The following MCPH1 variants were observed in gnomAD, a reference collection of about 807,000 sequenced individuals.
MCPH1 encodes the protein microcephalin 1, also known as microcephalin.
A neutral mutation model predicts 84.5 loss-of-function variants in MCPH1; 104 were observed. The observed-to-expected ratio is 1.23, with a 90% CI of 1.05 to 1.45. The LOEUF is 1.45. Among genes scored for constraint, MCPH1 ranks in the 40% most tolerant of loss-of-function variants. MCPH1 has a pLI of 0.00. For synonymous variants in MCPH1, 514 were observed against 366.8 expected, an observed-to-expected ratio of 1.40 and a Z score of -4.58; for missense variants, 1,498 against 1,005.7, an observed-to-expected ratio of 1.49 and a Z score of -6.62.
chr8:6,458,944 G>C (rs1332256405), intron 9 of MCPH1, among the ~76,000 whole-genome samples: 1 of 152,202 alleles, frequency 6.6e-6, no homozygotes, highest in African/African-American at 2.4e-5. Context: ...ACAGCACCTA[G>C]CCAGCAACAT....
At position 6,466,129 on chromosome 8, in the gene MCPH1, A is replaced by ATTTTTTTTTTT. The variant is rs751729134; in HGVS notation, c.1935+10890_1935+10900dup. On this transcript the variant is annotated intron_variant, in intron 9 of 13. Transcript: ENST00000344683. ...GCCACTACACCTGGCTAATTTTTGG[A>ATTTTTTTTTTT]TTTTTTTTTTTTTTTTTTTTTTTCC... Among the ~76,000 whole-genome samples the ATTTTTTTTTTT allele has an allele frequency of 1.0e-4, 2 of 19,786 alleles. 1 individual carries two copies. The allele number at this position is 19,786 out of a possible 152,430, so 13.0% of individuals were successfully genotyped here.
intron 13 of MCPH1, among the ~76,000 whole-genome samples, chr8:6,637,954 C>T (rs1346697592): frequency 2.6e-5 from 4 of 152,232 alleles, no homozygotes; most frequent in Admixed American, 1.3e-4. Flanking sequence ...AAAGAAGACT[C>T]GAAGGTGGCA....
At chr8:6,617,900 A>AATCTATCTATCT (rs142071946) in intron 12 of MCPH1, among the ~76,000 whole-genome samples, 38,360 of 142,880 alleles carry the variant, frequency 0.27, 5,427 homozygotes, top group East Asian at 0.32. Context: ...CTATCTATCT[A>AATCTATCTATCT]ATCTATCTAT....
At chr8:6,545,699 TAATA>T (rs963880503) in intron 12 of MCPH1, among the ~76,000 whole-genome samples, 49 of 152,240 alleles carry the variant, frequency 3.2e-4, no homozygotes, top group African/African-American at 1.1e-3. Flanking sequence ...TAAAAATAAA[TAATA>T]AATAAATAAA....
intron 12 of MCPH1, chr8:6,513,864 A>T (rs1815696106): frequency 6.3e-7 from 1 of 1,586,434 alleles, no homozygotes; most frequent in Non-Finnish European, 8.6e-7. Context: ...AAGTTGTTAA[A>T]TTCAATTATT....
intron 12 of MCPH1, among the ~76,000 whole-genome samples, chr8:6,620,621 G>A (rs1238792581): frequency 6.6e-6 from 1 of 152,124 alleles, no homozygotes; most frequent in Non-Finnish European, 1.5e-5. Flanking sequence ...AGATATTGTA[G>A]GAAAAATAAG....
At chr8:6,625,728 G>T in intron 13 of MCPH1, 7 of 977,674 alleles carry the variant, frequency 7.2e-6, no homozygotes, top group Non-Finnish European at 8.5e-6. Flanking sequence ...AGGCTGCGGT[G>T]AGCAACGATC....
chr8:6,409,276 C>T lies in MCPH1; in HGVS notation c.23-3C>T. The T allele has an allele frequency of 6.2e-7, 1 of 1,608,954 alleles. No individual in the cohort carries two copies. Among genetic ancestry groups the T allele is most frequent in the Non-Finnish European group, 8.5e-7 (1 of 1,175,316 alleles). ...ATGTTTCATGTTCATATCTTGTTTTCAGATGTAGTGGCCTATGTTGAAGTG... is the reference window on the plus strand; with the variant it reads ...ATGTTTCATGTTCATATCTTGTTTTTAGATGTAGTGGCCTATGTTGAAGTG... On this transcript the variant is annotated splice_polypyrimidine_tract_variant and splice_region_variant and intron_variant, in intron 1 of 13. Coordinates refer to ENST00000344683, the MANE Select transcript of MCPH1 (RefSeq NM_024596.5).
intron 6 of MCPH1, among the ~76,000 whole-genome samples, chr8:6,440,294 C>G (rs1803310348): frequency 6.6e-6 from 1 of 151,950 alleles, no homozygotes; most frequent in African/African-American, 2.4e-5. Context: ...TTCCAGCTTC[C>G]CACCCCGACT....
At chr8:6,642,319 G>A (rs558939693) in intron 13 of MCPH1, among the ~76,000 whole-genome samples, 1 of 152,142 alleles carries the variant, frequency 6.6e-6, no homozygotes, top group African/African-American at 2.4e-5. Context: ...ACTGAGGAAA[G>A]AGGGAGGGGT....
chr8:6,592,623 G>GTTTTTTTTTTTTTTTT (rs573651366), intron 12 of MCPH1, among the ~76,000 whole-genome samples: 7 of 77,584 alleles, frequency 9.0e-5, no homozygotes, highest in African/African-American at 2.1e-4. Flanking sequence ...TCTTTTTTTT[G>GTTTTTTTTTTTTTTTT]TTTTTTTTTT....
intron 12 of MCPH1, among the ~76,000 whole-genome samples, chr8:6,572,978 A>G (rs1453973096): frequency 2.0e-5 from 3 of 152,270 alleles, no homozygotes. Flanking sequence ...CTCCCTGAAG[A>G]AAGACCAAAA....
intron 3 of MCPH1, among the ~76,000 whole-genome samples, chr8:6,421,157 G>T (rs189281618): frequency 6.6e-6 from 1 of 152,118 alleles, no homozygotes. Context: ...CCGTTTCTCC[G>T]CCATTTTGTC....
intron 12 of MCPH1, among the ~76,000 whole-genome samples, chr8:6,612,577 T>C (rs1334431090): frequency 6.6e-6 from 1 of 152,232 alleles, no homozygotes; most frequent in Non-Finnish European, 1.5e-5. Flanking sequence ...CTGGGCTTCC[T>C]GACCCCCACT....
Position 6,518,340 on chromosome 8 carries a change from C to A in MCPH1, c.2214+18411C>A, listed in dbSNP as rs370775514. 3.9e-5 allele frequency among the ~76,000 whole-genome samples: 6 copies of A among 152,218 alleles called. No homozygotes were observed. The East Asian group carries it at 1.2e-3, about 29-fold the overall frequency. On this transcript the variant is annotated intron_variant, in intron 12 of 13. Transcript: ENST00000344683. Reference sequence around the variant, plus strand: ...CCAGATAGCAAAAGAGATTGAAAGGCTTAGCCTAGAGTCTGTTCGTTGCCT... The same window carrying A: ...CCAGATAGCAAAAGAGATTGAAAGGATTAGCCTAGAGTCTGTTCGTTGCCT...
chr8:6,506,078 T>C (rs1813672005), intron 12 of MCPH1, among the ~76,000 whole-genome samples: 1 of 150,666 alleles, frequency 6.6e-6, no homozygotes, highest in Admixed American at 6.7e-5. Context: ...CATTGGTTTG[T>C]TATTTCATCC....
At chr8:6,554,701 G>A (rs2129575209) in intron 12 of MCPH1, among the ~76,000 whole-genome samples, 1 of 152,302 alleles carries the variant, frequency 6.6e-6, no homozygotes, top group African/African-American at 2.4e-5. Context: ...GTTGCTCAGA[G>A]GGAGAACCAG....
chr8:6,467,760 C>G (rs1453186898), intron 9 of MCPH1, among the ~76,000 whole-genome samples: 1 of 152,092 alleles, frequency 6.6e-6, no homozygotes, highest in Admixed American at 6.6e-5. Flanking sequence ...CCATGCTCAG[C>G]TAATTTTTTT....
chr8:6,408,747 G>C (rs914875592), intron 1 of MCPH1, among the ~76,000 whole-genome samples: 4 of 151,710 alleles, frequency 2.6e-5, no homozygotes, highest in African/African-American at 9.7e-5. Context: ...ATTTTTTTTA[G>C]AGACAGGGTT....
Sources: allele counts gnomAD v4.1 joint callset (sites outside exome capture counted in the v4.1 genomes callset), GRCh38; gene constraint gnomAD v4.1.1; transcripts MANE v1.5; gene names NCBI Gene and HGNC (gene_info 2026-07-23, HGNC 2026-07-21).